TXNRD2: variants seen among roughly 807,000 people sequenced by gnomAD.
TXNRD2 encodes thioredoxin reductase 2, also known as thioredoxin reductase 2, mitochondrial.
TXNRD2 carries 67 observed loss-of-function variants against 70.8 expected under a neutral mutation model. The observed-to-expected ratio is 0.95, with a 90% CI of 0.78 to 1.16. The LOEUF (loss-of-function observed/expected upper bound fraction) is 1.16. TXNRD2 is among the 50% of genes most tolerant of loss of function. TXNRD2 has a pLI of 0.00. For synonymous variants in TXNRD2, 301 were observed against 295.8 expected (o/e 1.02, Z -0.18); for missense variants, 644 against 719.9 (o/e 0.89, Z 1.21).
intron 1 of TXNRD2, 81 bp downstream of exon 1, chr22:19,941,620 G>C: frequency 7.3e-7 from 1 of 1,362,296 alleles, no homozygotes; most frequent in Non-Finnish European, 9.4e-7. Flanking sequence ...GGACACCCTG[G>C]CCACCGCCGC....
At chr22:19,880,127 G>A (rs1425854275) in intron 14 of TXNRD2, 52 bp downstream of exon 14, 2 of 1,573,412 alleles carry the variant, frequency 1.3e-6, no homozygotes, top group African/African-American at 1.3e-5. Context: ...AGAGCATGGG[G>A]TGAGGTCGTG....
intron 7 of TXNRD2, among the ~76,000 whole-genome samples, chr22:19,914,292 T>A (rs1210090365): frequency 1.3e-5 from 2 of 152,236 alleles, no homozygotes; most frequent in Non-Finnish European, 2.9e-5. Flanking sequence ...AAAAAACTTC[T>A]TTGCAGATGT....
chr22:19,898,675 C>T (rs768559814), intron 9 of TXNRD2, among the ~76,000 whole-genome samples: 10 of 152,134 alleles, frequency 6.6e-5, no homozygotes, highest in Non-Finnish European at 1.0e-4. Context: ...CCACCGCGCC[C>T]GGCCAGGGAC....
intron 12 of TXNRD2, 149 bp from the exon 13 acceptor site, chr22:19,880,866 C>T: frequency 3.1e-6 from 2 of 636,702 alleles, no homozygotes; most frequent in Non-Finnish European, 5.6e-6. Flanking sequence ...AGCATTCCCC[C>T]TAGAGCTCGT....
chr22:19,895,466 T>C lies in TXNRD2; in HGVS notation c.890A>G (p.Glu297Gly). 6.2e-7 allele frequency: 1 copy of C among 1,613,936 alleles called. No individual in the cohort carries two copies. The part of the protein sequence containing the change: ...LPDGQLQVTW[E>G]DSTTGKEDTG... ...GTCCTCCTTGCCGGTGGTGCTGTCC[T>C]CCCAGGTGACCTGCAGCTGGCCATC... Residue 297 changes from glutamate to glycine, a missense_variant, in exon 11 of 18, where the codon GAG becomes GGG. Physicochemically the swap from Glu to Gly is moderately conservative, Grantham distance 98 (BLOSUM62 -2). Around this residue, in one of 3 missense-constraint regions of TXNRD2, gnomAD observed 566 missense variants for 645.0 expected, o/e 0.88. Transcript: ENST00000400521.
At chr22:19,892,862 G>A (rs1158685707) in intron 11 of TXNRD2, among the ~76,000 whole-genome samples, 1 of 152,222 alleles carries the variant, frequency 6.6e-6, no homozygotes, top group African/African-American at 2.4e-5. Flanking sequence ...GTACACTCCA[G>A]AGTCCAAAAT....
intron 1 of TXNRD2, among the ~76,000 whole-genome samples, chr22:19,936,692 C>G (rs1297328269): frequency 6.6e-6 from 1 of 152,182 alleles, no homozygotes; most frequent in Non-Finnish European, 1.5e-5. Flanking sequence ...CAGGACTGGG[C>G]CAGTAATCAC....
intron 11 of TXNRD2, among the ~76,000 whole-genome samples, chr22:19,890,983 C>G (rs868358099): frequency 6.6e-6 from 1 of 152,184 alleles, no homozygotes; most frequent in Admixed American, 6.5e-5. Context: ...TCCAGGCACA[C>G]GTGCCACGTG....
In TXNRD2 at chr22:19,941,749, T is replaced by C. The variant is rs901020754; in HGVS notation, c.55A>G (p.Thr19Ala). The part of the protein sequence containing the change: ...RGLGGRFRWR[T>A]QAVAGGVRGA... ...CGCACCCCGCCCGCCACGGCCTGCG[T>C]CCGCCACCGGAAGCGCCCTCCTAAT... Residue 19 changes from threonine to alanine, a missense_variant, in exon 1 of 18, where the codon ACG becomes GCG. By Grantham distance (58) the Thr-to-Ala change is moderately conservative. This residue lies in a region of TXNRD2 where 71 missense variants were observed against 53.6 expected (regional missense o/e 1.33). Transcript: ENST00000400521. 8.0e-6 allele frequency: 12 copies of C among 1,501,114 alleles called. No individual in the cohort carries two copies. Among genetic ancestry groups the C allele is most frequent in the African/African-American group, 7.3e-5 (5 of 68,662 alleles). The allele number at this position is 1,501,114 out of a possible 1,614,324, so 93.0% of individuals were successfully genotyped here.
In TXNRD2 at chr22:19,875,615, C is replaced by G. The variant is rs1938470760; in HGVS notation, c.*258G>C. The stretch of plus-strand genomic sequence containing the variant: ...GGTAGGTTTCCACCCAGGTCGTCAT[C>G]ATCTGGCACCAGGAGCCTGGGGGGG... On this transcript the variant is annotated 3_prime_UTR_variant, in exon 18 of 18. Transcript: ENST00000400521. The G allele has an allele frequency of 6.8e-6, 1 of 146,066 alleles. No individual in the cohort carries two copies. The highest frequency in any genetic ancestry group is 2.1e-4 in the South Asian group (1 of 4,756). The allele number at this position is 146,066 out of a possible 1,614,324, so 9.0% of individuals were successfully genotyped here.
chr22:19,911,992 C>G (rs1940433371), intron 7 of TXNRD2, among the ~76,000 whole-genome samples: 1 of 152,086 alleles, frequency 6.6e-6, no homozygotes, highest in Admixed American at 6.5e-5. Context: ...AGAGGAGGCA[C>G]AGGGGGTAAG....
intron 15 of TXNRD2, 57 bp from the exon 16 acceptor site, chr22:19,878,244 T>C: frequency 6.3e-7 from 1 of 1,595,112 alleles, no homozygotes; most frequent in South Asian, 1.1e-5. Flanking sequence ...GCGTCCACCC[T>C]GCATCCACCC....
chr22:19,890,334 T>A (rs34606353), intron 11 of TXNRD2, among the ~76,000 whole-genome samples: 2 of 152,172 alleles, frequency 1.3e-5, no homozygotes, highest in African/African-American at 4.8e-5. Context: ...CTTGATGTCA[T>A]TAATTACAAA....
intron 2 of TXNRD2, among the ~76,000 whole-genome samples, chr22:19,923,276 T>C (rs1294517290): frequency 2.0e-5 from 3 of 152,202 alleles, no homozygotes; most frequent in Non-Finnish European, 4.4e-5. Flanking sequence ...CTTTTTGAAT[T>C]CCTTCAATGA....
At chr22:19,907,823 G>C (rs1940130374) in intron 8 of TXNRD2, among the ~76,000 whole-genome samples, 1 of 44,936 alleles carries the variant, frequency 2.2e-5, no homozygotes, top group Non-Finnish European at 4.5e-5. Context: ...GGGTAGCAGT[G>C]ACCGCTCTCA....
chr22:19,923,697 G>A (rs552946890), intron 2 of TXNRD2, among the ~76,000 whole-genome samples: 1 of 152,238 alleles, frequency 6.6e-6, no homozygotes, highest in South Asian at 2.1e-4. Context: ...AGCTACTCGG[G>A]AGGCTGAGGC....
intron 11 of TXNRD2, among the ~76,000 whole-genome samples, chr22:19,890,441 T>C (rs1012586797): frequency 2.0e-5 from 3 of 152,178 alleles, no homozygotes; most frequent in Non-Finnish European, 2.9e-5. Context: ...CCTGAGAGCA[T>C]GGAGGCATGT....
In TXNRD2 at chr22:19,886,114, C is replaced by T. The variant is rs575449586; in HGVS notation, c.950-2653G>A. 5.3e-5 allele frequency among the ~76,000 whole-genome samples: 8 copies of T among 152,322 alleles called. No homozygotes were observed. In the South Asian group the frequency reaches 6.2e-4, roughly 12 times the overall value. On this transcript the variant is annotated intron_variant, in intron 11 of 17. Coordinates refer to ENST00000400521, the MANE Select transcript of TXNRD2 (RefSeq NM_006440.5). Reference sequence around the variant, plus strand: ...GCCCTGCAGGGACTCCACAGCCCTTCGGGAATGAACAGCAAAAGAAGAGTG... The same window carrying T: ...GCCCTGCAGGGACTCCACAGCCCTTTGGGAATGAACAGCAAAAGAAGAGTG...
intron 1 of TXNRD2, among the ~76,000 whole-genome samples, chr22:19,940,244 CAAA>C (rs141013808): frequency 1.5e-5 from 1 of 68,490 alleles, no homozygotes; most frequent in African/African-American, 6.2e-5. Flanking sequence ...GACACTGTCT[CAAA>C]AAAAAAAAAA....
Sources: allele counts gnomAD v4.1 joint callset (sites outside exome capture counted in the v4.1 genomes callset), GRCh38; gene constraint gnomAD v4.1.1; regional missense constraint gnomAD v4.1.1; transcripts MANE v1.5; gene names NCBI Gene and HGNC (gene_info 2026-07-23, HGNC 2026-07-21).